Variants in HBP1 observed in about 807,000 individuals in gnomAD.
HBP1 encodes the protein HMG-box transcription factor 1, also known as HMG box-containing protein 1.
In HBP1, 20 loss-of-function variants were observed where a neutral mutation model predicts 62.6. The observed-to-expected ratio is 0.32, with a 90% CI of 0.22 to 0.46. The LOEUF (loss-of-function observed/expected upper bound fraction) is 0.46. HBP1 is among the 20% of genes least tolerant of loss of function. The probability of loss-of-function intolerance (pLI) is 1.00; values close to 1 mark genes in which losing one functional copy is unlikely to be tolerated. For missense variants in HBP1, 480 were observed against 611.8 expected, an observed-to-expected ratio of 0.78 and a Z score of 2.27; for synonymous variants, 232 against 206.2, an observed-to-expected ratio of 1.12 and a Z score of -1.07.
chr7:107,179,246 A>T (rs765193132), intron 1 of HBP1, among the ~76,000 whole-genome samples: 1 of 152,156 alleles, frequency 6.6e-6, no homozygotes, highest in Non-Finnish European at 1.5e-5. Flanking sequence ...AAAGAGTCCT[A>T]TTAGTCTCAG....
intron 6 of HBP1, among the ~76,000 whole-genome samples, chr7:107,188,550 A>G (rs758663508): frequency 2.0e-5 from 3 of 152,192 alleles, no homozygotes; most frequent in Non-Finnish European, 2.9e-5. Flanking sequence ...ATGTAAGGGT[A>G]AGGATCATGT....
intron 8 of HBP1, among the ~76,000 whole-genome samples, chr7:107,195,539 A>G (rs1200581510): frequency 6.6e-6 from 1 of 152,206 alleles, no homozygotes; most frequent in Non-Finnish European, 1.5e-5. Context: ...GTTACTTGCT[A>G]TGAATAAAGT....
At chr7:107,183,205 TA>T (rs1797192525) in intron 3 of HBP1, among the ~76,000 whole-genome samples, 1 of 152,224 alleles carries the variant, frequency 6.6e-6, no homozygotes, top group South Asian at 2.1e-4. Flanking sequence ...AACACTTCAT[TA>T]TTTATCCCTG....
intron 9 of HBP1, chr7:107,196,556 C>G (rs1360880925): frequency 3.7e-6 from 1 of 267,590 alleles, no homozygotes; most frequent in African/African-American, 2.3e-5. Flanking sequence ...GCGTGAGCCA[C>G]TGTGCCCGGC....
intron 1 of HBP1, among the ~76,000 whole-genome samples, chr7:107,175,416 A>G (rs1192077411): frequency 2.0e-5 from 3 of 152,228 alleles, no homozygotes; most frequent in African/African-American, 7.2e-5. Flanking sequence ...TTTAGGGTAC[A>G]TAGCTAGTAA....
At chr7:107,170,083 A>G (rs1183745864) in intron 1 of HBP1, 1 of 985,204 alleles carries the variant, frequency 1.0e-6, no homozygotes, top group Non-Finnish European at 1.2e-6. Context: ...GTTCATTCTT[A>G]GGGAGTTTTC....
intron 9 of HBP1, chr7:107,197,242 C>CAA (rs1048270948): frequency 2.6e-5 from 4 of 152,170 alleles, no homozygotes; most frequent in African/African-American, 9.7e-5. Flanking sequence ...CCCTGAGGAT[C>CAA]AAAACTACCA....
chr7:107,189,042 C>G (rs1419323169), intron 6 of HBP1, among the ~76,000 whole-genome samples: 1 of 152,180 alleles, frequency 6.6e-6, no homozygotes, highest in Non-Finnish European at 1.5e-5. Context: ...CCTCCTTAAT[C>G]TCTCTTTTGG....
At chr7:107,170,823 T>C (rs2115748488) in intron 1 of HBP1, among the ~76,000 whole-genome samples, 1 of 150,266 alleles carries the variant, frequency 6.7e-6, no homozygotes, top group Non-Finnish European at 1.5e-5. Flanking sequence ...ATTGCCCACC[T>C]ACATGTCTCC....
chr7:107,175,522 G>A (rs1253146390), intron 1 of HBP1, among the ~76,000 whole-genome samples: 1 of 152,058 alleles, frequency 6.6e-6, no homozygotes, highest in Non-Finnish European at 1.5e-5. Context: ...TACAATTGAA[G>A]ACTCTGATCC....
Position 107,195,954 on chromosome 7 carries a change from C to T in HBP1, c.1188C>T (p.Phe396=). Reference sequence around the variant, plus strand: ...GTCAAGACTTTGCAAGATCTGGATTCAGTAAAAACTGTGGCTCACCTGGAT... The same window carrying T: ...GTCAAGACTTTGCAAGATCTGGATTTAGTAAAAACTGTGGCTCACCTGGAT... ...PGGQDFARSG[F]SKNCGSPGSS... Residue 396 remains phenylalanine, a synonymous_variant, in exon 9 of 11, where the codon TTC becomes TTT. Transcript: ENST00000222574. The T allele has an allele frequency of 6.2e-7, 1 of 1,613,958 alleles. No individual in the cohort carries two copies. The highest frequency in any genetic ancestry group is 8.5e-7 in the Non-Finnish European group (1 of 1,179,950).
At chr7:107,183,173 G>C (rs1478892297) in intron 3 of HBP1, among the ~76,000 whole-genome samples, 1 of 152,194 alleles carries the variant, frequency 6.6e-6, no homozygotes, top group African/African-American at 2.4e-5. Context: ...CAGCTAATAT[G>C]CCTAGGGAGA....
intron 9 of HBP1, chr7:107,196,574 A>C (rs995254465): frequency 2.4e-5 from 6 of 253,484 alleles, no homozygotes; most frequent in African/African-American, 1.4e-4. Flanking sequence ...GGCCAGGTTG[A>C]CTTTAAAGTA....
intron 8 of HBP1, among the ~76,000 whole-genome samples, chr7:107,190,686 T>C (rs1223058405): frequency 2.0e-5 from 3 of 152,234 alleles, no homozygotes; most frequent in Admixed American, 6.5e-5. Flanking sequence ...GTGTTTTTTG[T>C]AGTTAACTGT....
chr7:107,198,384 A>AGTT (rs1197497490), intron 9 of HBP1, among the ~76,000 whole-genome samples: 1 of 151,714 alleles, frequency 6.6e-6, no homozygotes, highest in East Asian at 1.9e-4. Flanking sequence ...AATTTTTTGT[A>AGTT]GTTTTAGTAG....
chr7:107,180,890 T>C (rs1797073322), intron 2 of HBP1, among the ~76,000 whole-genome samples: 1 of 152,082 alleles, frequency 6.6e-6, no homozygotes, highest in South Asian at 2.1e-4. Flanking sequence ...CAGTTTTTGG[T>C]TTAAGGAGGA....
chr7:107,193,211 T>C (rs560255649), intron 8 of HBP1: 2 of 152,198 alleles, frequency 1.3e-5, no homozygotes, highest in African/African-American at 4.8e-5. Flanking sequence ...TCAGGTAATA[T>C]GATTTAACAA....
Position 107,196,110 on chromosome 7 carries a change from C to T in HBP1, c.1344C>T (p.Tyr448=). The T allele has an allele frequency of 6.2e-7, 1 of 1,610,944 alleles. No homozygotes were observed. ...CCTTCATGCTTTTTGCCAAAAAATACAGAGTTGAATATACTCAGATGTATC... is the reference window on the plus strand; with the variant it reads ...CCTTCATGCTTTTTGCCAAAAAATATAGAGTTGAATATACTCAGATGTATC... ...MNAFMLFAKK[Y]RVEYTQMYPG... Residue 448 remains tyrosine, a synonymous_variant, in exon 9 of 11, where the codon TAC becomes TAT. Transcript: ENST00000222574.
chr7:107,186,853 A>AT (rs994121686), intron 6 of HBP1, among the ~76,000 whole-genome samples, 172 bp downstream of exon 6: 21 of 152,292 alleles, frequency 1.4e-4, no homozygotes, highest in Middle Eastern at 3.4e-3. Flanking sequence ...AGGAGCAATG[A>AT]TTTTAGGTTT....
Sources: gnomAD v4.1 joint callset for allele counts (sites outside exome capture counted in the v4.1 genomes callset) on GRCh38, gnomAD v4.1.1 for gene constraint, MANE v1.5 for transcripts, NCBI Gene and HGNC (gene_info 2026-07-23, HGNC 2026-07-21) for gene names.